The following MAN1A2 variants were observed in gnomAD, a reference collection of about 807,000 sequenced individuals.
MAN1A2 encodes mannosidase alpha class 1A member 2, also known as mannosyl-oligosaccharide 1,2-alpha-mannosidase IB.
MAN1A2 carries 26 observed loss-of-function variants against 75.7 expected under a neutral mutation model. The ratio of observed to expected loss-of-function variants is 0.34; its 90% CI spans 0.25 to 0.48. MAN1A2 has a LOEUF of 0.48. MAN1A2 is among the 20% of genes least tolerant of loss of function. MAN1A2 has a pLI of 0.99. For missense variants in MAN1A2, 562 were observed against 775.5 expected (o/e 0.72, Z 3.27); for synonymous variants, 247 against 264.6 (o/e 0.93, Z 0.65).
intron 4 of MAN1A2, among the ~76,000 whole-genome samples, chr1:117,418,549 A>T (rs7512060): frequency 0.14 from 21,488 of 152,054 alleles, 1,732 homozygotes; most frequent in South Asian, 0.22. Flanking sequence ...GTTTAATTTT[A>T]AAAAGGCAAT....
chr1:117,397,123 C>T (rs1653927689), intron 1 of MAN1A2, among the ~76,000 whole-genome samples: 2 of 152,000 alleles, frequency 1.3e-5, no homozygotes, highest in African/African-American at 4.8e-5. Flanking sequence ...TCTCTTAGGA[C>T]CAGTCTGGTT....
At chr1:117,500,892 C>G (rs1366928038) in intron 11 of MAN1A2, among the ~76,000 whole-genome samples, 1 of 151,820 alleles carries the variant, frequency 6.6e-6, no homozygotes, top group Non-Finnish European at 1.5e-5. Context: ...AAATTAAGCA[C>G]TCTTTCATGT....
At position 117,402,476 on chromosome 1, in the gene MAN1A2, T is replaced by G. The variant is rs754013872; in HGVS notation, c.558+35T>G. The G allele has an allele frequency of 1.9e-6, 3 of 1,542,928 alleles. No individual in the cohort carries two copies. The East Asian group carries it at 6.7e-5, about 35-fold the overall frequency. ...TGAGTTTTGTGATATGGAGTGTTTATGGATTTGTATTTGGATACAAACAAA... is the reference window on the plus strand; with the variant it reads ...TGAGTTTTGTGATATGGAGTGTTTAGGGATTTGTATTTGGATACAAACAAA... On this transcript the variant is annotated intron_variant, in intron 2 of 12. Coordinates refer to ENST00000356554, the MANE Select transcript of MAN1A2 (RefSeq NM_006699.5).
chr1:117,393,360 G>C (rs1653795533), intron 1 of MAN1A2, among the ~76,000 whole-genome samples: 2 of 152,124 alleles, frequency 1.3e-5, no homozygotes, highest in African/African-American at 4.8e-5. Context: ...AAGGAGTGTA[G>C]AATGCTGTTG....
rs967808344 is a variant in MAN1A2, at chr1:117,367,782, C to T, written c.-402C>T. On this transcript the variant is annotated 5_prime_UTR_variant, in exon 1 of 13. Coordinates refer to ENST00000356554, the MANE Select transcript of MAN1A2 (RefSeq NM_006699.5). ...GAGATCAAGTGAACCTTCTACAACTCCTCGGATGTCGCCAGTCTCCCTTTC... is the reference window on the plus strand; with the variant it reads ...GAGATCAAGTGAACCTTCTACAACTTCTCGGATGTCGCCAGTCTCCCTTTC... 6 of 172,844 alleles carry T rather than the reference C, an allele frequency of 3.5e-5. No homozygotes were observed. Among genetic ancestry groups the T allele is most frequent in the African/African-American group, 9.5e-5 (4 of 41,978 alleles). The allele number at this position is 172,844 out of a possible 1,614,324, so 10.7% of individuals were successfully genotyped here.
At position 117,527,819 on chromosome 1, in the gene MAN1A2, A is replaced by G. The variant is rs1187555578; in HGVS notation, c.*4862A>G. On this transcript the variant is annotated 3_prime_UTR_variant, in exon 13 of 13. Coordinates refer to ENST00000356554, the MANE Select transcript of MAN1A2 (RefSeq NM_006699.5). ...GAGCTCTACAGCAAGAATATGATAG[A>G]ATGTCTGATCTTTGTGCTGCAGAAA... is the stretch of plus-strand genomic sequence containing the variant. The G allele has an allele frequency of 6.6e-6, 1 of 152,038 alleles. No homozygotes were observed. The highest frequency in any genetic ancestry group is 1.5e-5 in the Non-Finnish European group (1 of 67,952). The allele number at this position is 152,038 out of a possible 1,614,324, so 9.4% of individuals were successfully genotyped here. A position where few individuals can be genotyped will look rare whatever the true frequency, so the allele number is the denominator to read the frequency against.
intron 5 of MAN1A2, among the ~76,000 whole-genome samples, chr1:117,429,715 C>A (rs1232369115): frequency 2.8e-5 from 3 of 107,948 alleles, no homozygotes; most frequent in Non-Finnish European, 6.0e-5. Flanking sequence ...GGGGCTGACC[C>A]CCCCCACCTC....
In MAN1A2 at chr1:117,525,104, TGAG is replaced by T. The variant is rs760005904; in HGVS notation, c.*2151_*2153del. 1.5e-5 allele frequency: 8 copies of T among 528,988 alleles called. No homozygotes were observed. Among genetic ancestry groups the T allele is most frequent in the Non-Finnish European group, 3.1e-5 (8 of 258,230 alleles). 32.8% of individuals were successfully genotyped at this position (528,988 alleles called of 1,614,324 possible). A position where few individuals can be genotyped will look rare whatever the true frequency, so the allele number is the denominator to read the frequency against. ...GGTTCTGCAGGAACTTCTCAAGGGATGAGGAGACAGAACCCCTACTTCCAAGTG... is the reference window on the plus strand; with the variant it reads ...GGTTCTGCAGGAACTTCTCAAGGGATGAGACAGAACCCCTACTTCCAAGTG... On this transcript the variant is annotated 3_prime_UTR_variant, in exon 13 of 13. Transcript: ENST00000356554.
intron 6 of MAN1A2, among the ~76,000 whole-genome samples, chr1:117,459,082 C>A (rs763749693): frequency 6.6e-6 from 1 of 152,090 alleles, no homozygotes; most frequent in Non-Finnish European, 1.5e-5. Flanking sequence ...CTAAGGTCAT[C>A]GCCATATAAA....
intron 1 of MAN1A2, among the ~76,000 whole-genome samples, chr1:117,394,903 A>G (rs879938575): frequency 2.6e-5 from 4 of 152,196 alleles, no homozygotes; most frequent in African/African-American, 2.4e-5. Context: ...GTGAAACTTC[A>G]TATTTGTAAG....
intron 5 of MAN1A2, among the ~76,000 whole-genome samples, chr1:117,436,615 G>A (rs1648858751): frequency 6.6e-6 from 1 of 152,220 alleles, no homozygotes; most frequent in Admixed American, 6.5e-5. Flanking sequence ...AATTGTGCTT[G>A]TAGGGATGAG....
chr1:117,499,916 A>G (rs1357235093), intron 11 of MAN1A2, among the ~76,000 whole-genome samples: 1 of 151,656 alleles, frequency 6.6e-6, no homozygotes, highest in Non-Finnish European at 1.5e-5. Context: ...AGTATAGCTT[A>G]TTCCCAGGGT....
chr1:117,413,841 A>T (rs553146965), intron 3 of MAN1A2, among the ~76,000 whole-genome samples: 1 of 151,846 alleles, frequency 6.6e-6, no homozygotes, highest in East Asian at 1.9e-4. Context: ...CTGCTCCCTG[A>T]TATTTATTTT....
chr1:117,380,845 G>C (rs1653312697), intron 1 of MAN1A2, among the ~76,000 whole-genome samples: 1 of 152,140 alleles, frequency 6.6e-6, no homozygotes, highest in African/African-American at 2.4e-5. Flanking sequence ...GCTATTTGGA[G>C]ACCACTGACC....
In MAN1A2 at chr1:117,414,837, T is replaced by C. The variant is rs1465655746; in HGVS notation, c.774+6T>C. On this transcript the variant is annotated splice_donor_region_variant and intron_variant, in intron 4 of 12. Coordinates refer to ENST00000356554, the MANE Select transcript of MAN1A2 (RefSeq NM_006699.5). ...ACAACCTTGATTTCAGTGTGGTGAG[T>C]GTATGATTGATAACTAATCTCTTAG... The C allele has an allele frequency of 6.7e-7, 1 of 1,486,250 alleles. No homozygotes were observed. The highest frequency in any genetic ancestry group is 2.3e-5 in the East Asian group (1 of 44,198). The allele number at this position is 1,486,250 out of a possible 1,614,324, so 92.1% of individuals were successfully genotyped here.
At position 117,400,420 on chromosome 1, in the gene MAN1A2, C is replaced by T. The variant is rs566612966; in HGVS notation, c.303-1766C>T. Among the ~76,000 whole-genome samples the T allele has an allele frequency of 5.3e-4, 79 of 150,282 alleles. 1 individual carries two copies. The highest frequency in any genetic ancestry group is 1.9e-3 in the African/African-American group (77 of 40,804). Reference sequence around the variant, plus strand: ...TGGCATACAGGTTTATGATTTAACACGTGCTATTCATGTAACTACCATCAT... The same window carrying T: ...TGGCATACAGGTTTATGATTTAACATGTGCTATTCATGTAACTACCATCAT... On this transcript the variant is annotated intron_variant, in intron 1 of 12. Coordinates refer to ENST00000356554, the MANE Select transcript of MAN1A2 (RefSeq NM_006699.5).
intron 4 of MAN1A2, among the ~76,000 whole-genome samples, chr1:117,417,089 G>A (rs533011950): frequency 6.6e-6 from 1 of 152,258 alleles, no homozygotes; most frequent in South Asian, 2.1e-4. Context: ...GTGCCTAAAA[G>A]GGAGCCAGTT....
At chr1:117,411,473 A>T (rs1030888676) in intron 3 of MAN1A2, among the ~76,000 whole-genome samples, 2 of 151,832 alleles carry the variant, frequency 1.3e-5, no homozygotes, top group Admixed American at 6.6e-5. Flanking sequence ...AAAAAATTTC[A>T]GTAGAAAACA....
intron 8 of MAN1A2, among the ~76,000 whole-genome samples, chr1:117,487,831 GTTTTAATA>G (rs1650760679): frequency 6.6e-6 from 1 of 151,818 alleles, no homozygotes; most frequent in South Asian, 2.1e-4. Flanking sequence ...TTTCTGTATT[GTTTTAATA>G]TTTTACAAGT....
Sources: gnomAD v4.1 joint callset for allele counts (sites outside exome capture counted in the v4.1 genomes callset) on GRCh38, gnomAD v4.1.1 for gene constraint, MANE v1.5 for transcripts, NCBI Gene and HGNC (gene_info 2026-07-23, HGNC 2026-07-21) for gene names.